DYNAP: variants seen among roughly 807,000 people sequenced by gnomAD.
The protein encoded by DYNAP is dynactin associated protein.
In DYNAP, 7 loss-of-function variants were observed where a neutral mutation model predicts 8.5. That is an observed-to-expected ratio of 0.82 (90% CI 0.47 to 1.54). DYNAP has a LOEUF of 1.54. Among genes scored for constraint, DYNAP ranks in the 40% most tolerant of loss-of-function variants. The probability of loss-of-function intolerance (pLI) is 0.01; values close to 1 mark genes in which losing one functional copy is unlikely to be tolerated. For synonymous variants in DYNAP, 77 were observed against 77.9 expected, an observed-to-expected ratio of 0.99 and a Z score of 0.06; for missense variants, 256 against 224.3, an observed-to-expected ratio of 1.14 and a Z score of -0.90.
chr18:54,588,688 T>C (rs183463150), upstream of DYNAP, among the ~76,000 whole-genome samples: 1,665 of 152,352 alleles, frequency 0.011, 18 homozygotes, highest in Middle Eastern at 0.031. Flanking sequence ...GCTTAAATAC[T>C]GTTTCATTAC....
At chr18:54,596,498 C>G (rs948005920) in intron 2 of DYNAP, among the ~76,000 whole-genome samples, 7 of 152,112 alleles carry the variant, frequency 4.6e-5, no homozygotes, top group Admixed American at 3.3e-4. Context: ...GCCCATACAA[C>G]AATGGTTTTT....
At chr18:54,586,911 G>C (rs375417126), upstream of DYNAP, among the ~76,000 whole-genome samples, 4 of 152,270 alleles carry the variant, frequency 2.6e-5, no homozygotes, top group African/African-American at 7.2e-5. Context: ...GATTGCCTAA[G>C]GGTAGCACCT....
chr18:54,576,963 A>G, the DYNAP span, among the ~76,000 whole-genome samples: 2 of 152,244 alleles, frequency 1.3e-5, no homozygotes, highest in Non-Finnish European at 2.9e-5. Flanking sequence ...AAAATATTCT[A>G]ATATCATTCT....
chr18:54,585,956 A>G (rs1910863053), upstream of DYNAP, among the ~76,000 whole-genome samples: 1 of 152,176 alleles, frequency 6.6e-6, no homozygotes, highest in South Asian at 2.1e-4. Context: ...TGCAGCCCTG[A>G]ACAGGGCTAT....
At chr18:54,586,638 G>C (rs370786701), upstream of DYNAP, among the ~76,000 whole-genome samples, 1 of 152,026 alleles carries the variant, frequency 6.6e-6, no homozygotes, top group Non-Finnish European at 1.5e-5. Context: ...CCTTCTTAGG[G>C]CTCAGTGTGG....
the DYNAP span, among the ~76,000 whole-genome samples, chr18:54,579,061 A>G: frequency 6.6e-6 from 1 of 152,148 alleles, no homozygotes; most frequent in Non-Finnish European, 1.5e-5. Flanking sequence ...GGCCTCCCAA[A>G]GTGCTGGGAT....
chr18:54,582,722 C>T, the DYNAP span, among the ~76,000 whole-genome samples: 4 of 152,172 alleles, frequency 2.6e-5, no homozygotes, highest in African/African-American at 9.6e-5. Context: ...CTCCAGGACT[C>T]GGATCAATCC....
chr18:54,591,032 A>T (rs1911048502), upstream of DYNAP: 1 of 506,380 alleles, frequency 2.0e-6, no homozygotes, highest in Non-Finnish European at 3.3e-6. Context: ...TTTCAGAGGG[A>T]GTAGTCACAA....
upstream of DYNAP, among the ~76,000 whole-genome samples, chr18:54,585,755 G>C (rs1910854792): frequency 6.6e-6 from 1 of 152,142 alleles, no homozygotes; most frequent in Non-Finnish European, 1.5e-5. Flanking sequence ...TCCTGCCTTA[G>C]TTCCCATCAT....
At chr18:54,591,224 G>A (rs1911059649), upstream of DYNAP, 5 of 1,611,866 alleles carry the variant, frequency 3.1e-6, no homozygotes, top group South Asian at 2.2e-5. Context: ...GATATAAAGG[G>A]CAATGAACAA....
At chr18:54,594,913 T>G in intron 1 of DYNAP, 26 bp from the exon 2 acceptor site, 1 of 1,597,812 alleles carries the variant, frequency 6.3e-7, no homozygotes, top group South Asian at 1.1e-5. Context: ...CTAGGCTTCC[T>G]ACTCACTTCC....
At chr18:54,591,487 T>C (rs1911075050) in intron 1 of DYNAP, 148 bp downstream of exon 1, 1 of 863,688 alleles carries the variant, frequency 1.2e-6, no homozygotes, top group African/African-American at 1.8e-5. Context: ...TGTATCAATT[T>C]TTGTGCTGTA....
intron 2 of DYNAP, among the ~76,000 whole-genome samples, chr18:54,595,339 C>T (rs1199101918): frequency 6.6e-6 from 1 of 151,988 alleles, no homozygotes; most frequent in Non-Finnish European, 1.5e-5. Context: ...ACTCAAACAT[C>T]TATAATAGAT....
the DYNAP span, among the ~76,000 whole-genome samples, chr18:54,580,350 C>T: frequency 6.6e-6 from 1 of 152,336 alleles, no homozygotes; most frequent in African/African-American, 2.4e-5. Flanking sequence ...GAACCTTCTG[C>T]TTACCAGCAC....
chr18:54,583,108 A>G (rs1459457368), upstream of DYNAP, among the ~76,000 whole-genome samples: 1 of 152,150 alleles, frequency 6.6e-6, no homozygotes, highest in Non-Finnish European at 1.5e-5. Flanking sequence ...GGAAAACAGA[A>G]ACCGGTTTAG....
upstream of DYNAP, among the ~76,000 whole-genome samples, chr18:54,590,385 T>A (rs542968080): frequency 7.2e-5 from 11 of 152,304 alleles, no homozygotes; most frequent in African/African-American, 2.2e-4. Flanking sequence ...AGTTTTTCAA[T>A]TCCTTGACAG....
upstream of DYNAP, among the ~76,000 whole-genome samples, chr18:54,586,261 C>T (rs1910874660): frequency 6.6e-6 from 1 of 152,132 alleles, no homozygotes; most frequent in African/African-American, 2.4e-5. Flanking sequence ...GCTCCAAAAG[C>T]TGGGGCCTTG....
chr18:54,597,330 A>G lies in DYNAP; in HGVS notation c.223-483A>G, dbSNP rs540919408. 4.6e-5 allele frequency among the ~76,000 whole-genome samples: 7 copies of G among 152,222 alleles called. No individual in the cohort carries two copies. In the East Asian group the frequency reaches 1.2e-3, roughly 25 times the overall value. ...ACTGTAATGGTAAATACATGTCATC[A>G]TATAGTTGTCCAAACCCATAGAGTG... On this transcript the variant is annotated intron_variant, in intron 2 of 2. Transcript: ENST00000648945.
At chr18:54,584,122 G>T (rs1910800806), upstream of DYNAP, among the ~76,000 whole-genome samples, 1 of 151,664 alleles carries the variant, frequency 6.6e-6, no homozygotes, top group Non-Finnish European at 1.5e-5. Flanking sequence ...TATTTTTATG[G>T]GAGTGAATAT....
Sources: allele counts gnomAD v4.1 joint callset (sites outside exome capture counted in the v4.1 genomes callset), GRCh38; gene constraint gnomAD v4.1.1; transcripts MANE v1.5; gene names NCBI Gene and HGNC (gene_info 2026-07-23, HGNC 2026-07-21).